ABCC5: variants seen among roughly 807,000 people sequenced by gnomAD.
ABCC5 encodes ATP-binding cassette sub-family C member 5.
ABCC5 carries 61 observed loss-of-function variants against 160.9 expected under a neutral mutation model. That is an observed-to-expected ratio of 0.38 (90% CI 0.31 to 0.47). The LOEUF (loss-of-function observed/expected upper bound fraction) is 0.47, where lower values mean the gene tolerates loss of function less well. ABCC5 is among the 20% of genes least tolerant of loss of function. The probability of loss-of-function intolerance (pLI) is 0.99; values close to 1 mark genes in which losing one functional copy is unlikely to be tolerated. For synonymous variants in ABCC5, 666 were observed against 700.6 expected, an observed-to-expected ratio of 0.95 and a Z score of 0.78; for missense variants, 1,308 against 1,813.3, an observed-to-expected ratio of 0.72 and a Z score of 5.06.
intron 2 of ABCC5, among the ~76,000 whole-genome samples, chr3:183,990,636 C>T (rs1186808441): frequency 3.3e-5 from 5 of 152,190 alleles, no homozygotes; most frequent in Admixed American, 2.0e-4. Context: ...GCAGGGAGAA[C>T]AGAACGTGAG....
chr3:183,982,422 G>A lies in ABCC5; in HGVS notation c.999+29C>T. The A allele has an allele frequency of 6.2e-7, 1 of 1,606,618 alleles. No individual in the cohort carries two copies. The highest frequency in any genetic ancestry group is 2.2e-5 in the East Asian group (1 of 44,770). ...GTAACTCATCTCCTAAGGAGAAGCTGCCAGGATTCAGCTGGGAGGCTTACT... is the reference window on the plus strand; with the variant it reads ...GTAACTCATCTCCTAAGGAGAAGCTACCAGGATTCAGCTGGGAGGCTTACT... On this transcript the variant is annotated intron_variant, in intron 7 of 29. Transcript: ENST00000334444. This position sits in a 1 kb window ranked among gnomAD's most constrained non-coding sequence, Gnocchi z 5.2.
In ABCC5 at chr3:183,921,407, A is replaced by G. The variant is rs1711953074; in HGVS notation, c.4213-6T>C. ...GGGGTGTCAAACTCCACCACCTGCA[A>G]AAGAAGGAGACGCCGTCAGGACACA... is the stretch of plus-strand genomic sequence containing the variant. On this transcript the variant is annotated splice_region_variant and splice_polypyrimidine_tract_variant and intron_variant, in intron 29 of 29. Coordinates refer to ENST00000334444, the MANE Select transcript of ABCC5 (RefSeq NM_005688.4). This position sits in a 1 kb window ranked among gnomAD's most constrained non-coding sequence, Gnocchi z 4.1. 1 of 1,611,646 alleles carries G rather than the reference A, an allele frequency of 6.2e-7. No individual in the cohort carries two copies. The highest frequency in any genetic ancestry group is 1.1e-5 in the South Asian group (1 of 90,646).
chr3:183,975,192 ACGT>A (rs1330969407), intron 10 of ABCC5, among the ~76,000 whole-genome samples: 1 of 152,190 alleles, frequency 6.6e-6, no homozygotes, highest in African/African-American at 2.4e-5. Context: ...ACTTCCTTTA[ACGT>A]ACTCAGAAAC....
Position 183,988,052 on chromosome 3 carries a change from G to C in ABCC5, c.444-135C>G, listed in dbSNP as rs954840696. ...TCTCTCCTTTAAAATTATGTACATA[G>C]TCTTCACCTTCTGGGAAAAAATACC... is the stretch of plus-strand genomic sequence containing the variant. On this transcript the variant is annotated intron_variant, in intron 4 of 29. Transcript: ENST00000334444. This position sits in a 1 kb window ranked among gnomAD's most constrained non-coding sequence, Gnocchi z 4.4. 1.1e-6 allele frequency: 1 copy of C among 937,568 alleles called. No homozygotes were observed. Among genetic ancestry groups the C allele is most frequent in the Non-Finnish European group, 1.6e-6 (1 of 625,638 alleles). 58.1% of individuals were successfully genotyped at this position (937,568 alleles called of 1,614,324 possible).
At position 183,947,327 on chromosome 3, in the gene ABCC5, G is replaced by C; in HGVS notation, c.3411C>G (p.Val1137=). The C allele has an allele frequency of 6.2e-7, 1 of 1,605,140 alleles. No individual in the cohort carries two copies. The highest frequency in any genetic ancestry group is 8.5e-7 in the Non-Finnish European group (1 of 1,174,402). Residue 1137 remains valine, a synonymous_variant, in exon 23 of 30, where the codon GTC becomes GTG. Coordinates refer to ENST00000334444, the MANE Select transcript of ABCC5 (RefSeq NM_005688.4). ...AYAGLAISYA[V]QLTGLFQFTV... The stretch of plus-strand genomic sequence containing the variant: ...CGCTCCTATCCCAGAGACTGACCTG[G>C]ACAGCATAAGAGATGGCGAGACCCG...
chr3:183,953,383 T>C (rs1715565110), intron 17 of ABCC5, 113 bp from the exon 18 acceptor site: 1 of 862,194 alleles, frequency 1.2e-6, no homozygotes, highest in Non-Finnish European at 1.7e-6. Context: ...GGGGTCTAGA[T>C]TAGATTTCCT....
Position 183,925,746 on chromosome 3 carries a change from A to G in ABCC5, c.4048-27T>C, listed in dbSNP as rs763973011. The G allele has an allele frequency of 1.9e-6, 3 of 1,602,160 alleles. No individual in the cohort carries two copies. In the Admixed American group the frequency reaches 5.3e-5, roughly 28 times the overall value. ...TGCCAGAGAAGCAGAGGAGAAAGAA[A>G]CTCGATTAAATTCCTTTAGCATTCT... On this transcript the variant is annotated intron_variant, in intron 28 of 29. Transcript: ENST00000334444.
At chr3:184,011,134 C>A (rs1396094962) in intron 2 of ABCC5, 2 of 152,292 alleles carry the variant, frequency 1.3e-5, no homozygotes, top group African/African-American at 4.8e-5. Context: ...CCCAATGCCT[C>A]CCTATCTTCT....
At position 184,008,300 on chromosome 3, in the gene ABCC5, G is replaced by T. The variant is rs189748950; in HGVS notation, c.129+5964C>A. On this transcript the variant is annotated intron_variant, in intron 2 of 29. Coordinates refer to ENST00000334444, the MANE Select transcript of ABCC5 (RefSeq NM_005688.4). Reference sequence around the variant, plus strand: ...TTAAAAAAAAATCAGGGCTCGTGGAGTCATATGATCTACATGTGCATATAT... The same window carrying T: ...TTAAAAAAAAATCAGGGCTCGTGGATTCATATGATCTACATGTGCATATAT... Among the ~76,000 whole-genome samples the T allele has an allele frequency of 2.0e-3, 298 of 152,226 alleles. 1 individual carries two copies. Among genetic ancestry groups the T allele is most frequent in the South Asian group, 3.7e-3 (18 of 4,826 alleles).
intron 2 of ABCC5, 130 bp from the exon 3 acceptor site, chr3:183,989,513 G>A: frequency 1.1e-6 from 1 of 874,486 alleles, no homozygotes; most frequent in Non-Finnish European, 1.7e-6. Context: ...CAAGGGTCAG[G>A]AGGTTAAACA....
chr3:183,984,616 T>C (rs1176340811), intron 5 of ABCC5: 1 of 1,405,832 alleles, frequency 7.1e-7, no homozygotes, highest in Non-Finnish European at 9.2e-7. Context: ...CCTGATCAAA[T>C]AGGAGACTTC....
rs1343604886 is a variant in ABCC5 at position 183,955,795 on chromosome 3, GATCCATGTGTATATCACATCA to G, written c.2483-2546_2483-2526del. ...GTGTATATTACATCTGTTACATGCA[GATCCATGTGTATATCACATCA>G]GTTACATGCAGCTCCGTGTGTATAT... is the stretch of plus-strand genomic sequence containing the variant. On this transcript the variant is annotated intron_variant, in intron 17 of 29. Coordinates refer to ENST00000334444, the MANE Select transcript of ABCC5 (RefSeq NM_005688.4). Among the ~76,000 whole-genome samples the G allele has an allele frequency of 6.3e-5, 9 of 143,104 alleles. 1 individual carries two copies. The highest frequency in any genetic ancestry group is 5.7e-4 in the Admixed American group (8 of 13,918). 93.9% of individuals were successfully genotyped at this position (143,104 alleles called of 152,430 possible).
intron 26 of ABCC5, among the ~76,000 whole-genome samples, chr3:183,931,609 C>T (rs1224157416): frequency 1.3e-5 from 2 of 152,246 alleles, no homozygotes; most frequent in African/African-American, 2.4e-5. Context: ...GTTGGGATTA[C>T]AGGCGTGAGC....
In ABCC5 at chr3:183,978,656, G is replaced by A. The variant is rs766985719; in HGVS notation, c.1148-5C>T. 1.2e-6 allele frequency: 2 copies of A among 1,611,886 alleles called. No homozygotes were observed. The highest frequency in any genetic ancestry group is 1.7e-6 in the Non-Finnish European group (2 of 1,179,136). On this transcript the variant is annotated splice_polypyrimidine_tract_variant and splice_region_variant and intron_variant, in intron 8 of 29. Coordinates refer to ENST00000334444, the MANE Select transcript of ABCC5 (RefSeq NM_005688.4). ...GACGCTCCTCCTCGCGGATTTCTAT[G>A]AATAAAAAGCAAGCCAATTTCAAAG...
intron 22 of ABCC5, 25 bp from the exon 23 acceptor site, chr3:183,947,535 G>T: frequency 6.4e-7 from 1 of 1,558,122 alleles, no homozygotes. Flanking sequence ...ACACTTAATG[G>T]GCAAAGAAAG....
At chr3:184,009,882 C>T (rs1576948936) in intron 2 of ABCC5, 1 of 349,172 alleles carries the variant, frequency 2.9e-6, no homozygotes, top group East Asian at 8.5e-5. Flanking sequence ...GGTGTGGTGC[C>T]ACATGCCTGT....
chr3:183,963,790 T>G lies in ABCC5; in HGVS notation c.2032-202A>C, dbSNP rs1033691319. Among the ~76,000 whole-genome samples, 3 of 152,300 alleles carry G rather than the reference T, an allele frequency of 2.0e-5. No individual in the cohort carries two copies. The highest frequency in any genetic ancestry group is 1.3e-4 in the Admixed American group (2 of 15,298). On this transcript the variant is annotated intron_variant, in intron 14 of 29. Transcript: ENST00000334444. The surrounding 1 kb of genome is among the most constrained non-coding windows in gnomAD (Gnocchi z 4.6). ...GTGGGGGAGTTGGCCCAGATGCCTC[T>G]TCCTCTACCACTGCCATCTGGGTAC...
At chr3:183,967,009 GTTTTTT>G (rs112821645) in intron 12 of ABCC5, among the ~76,000 whole-genome samples, 2 of 143,332 alleles carry the variant, frequency 1.4e-5, no homozygotes, top group Non-Finnish European at 3.1e-5. Flanking sequence ...TGGGCACCTT[GTTTTTT>G]TTTTTTTTCT....
Position 183,988,234 on chromosome 3 carries a change from A to T in ABCC5, c.444-317T>A, listed in dbSNP as rs1719404316. ...TTCAGGGGCCCCCAACCCTTTCTGA[A>T]GGTTCCTGTGGTAAAATGTAAAGTT... On this transcript the variant is annotated intron_variant, in intron 4 of 29. Transcript: ENST00000334444. This position sits in a 1 kb window ranked among gnomAD's most constrained non-coding sequence, Gnocchi z 4.4. Among the ~76,000 whole-genome samples the T allele has an allele frequency of 6.6e-6, 1 of 152,178 alleles. No homozygotes were observed. Among genetic ancestry groups the T allele is most frequent in the African/African-American group, 2.4e-5 (1 of 41,446 alleles).
Sources: gnomAD v4.1 joint callset for allele counts (sites outside exome capture counted in the v4.1 genomes callset) on GRCh38, gnomAD v4.1.1 for gene constraint, Gnocchi (gnomAD v3.1) non-coding constraint, MANE v1.5 for transcripts, NCBI Gene and HGNC (gene_info 2026-07-23, HGNC 2026-07-21) for gene names.